The following OSBPL9 variants were observed in gnomAD, a reference collection of about 807,000 sequenced individuals.
OSBPL9 encodes oxysterol-binding protein-related protein 9.
A neutral mutation model predicts 106.6 loss-of-function variants in OSBPL9; 40 were observed. The ratio of observed to expected loss-of-function variants is 0.38; its 90% confidence interval spans 0.29 to 0.49. The LOEUF (loss-of-function observed/expected upper bound fraction) is 0.49, where lower values mean the gene tolerates loss of function less well. Among genes scored for constraint, OSBPL9 ranks in the 20% least tolerant of loss-of-function variants. The probability of loss-of-function intolerance (pLI) is 0.97; values close to 1 mark genes in which losing one functional copy is unlikely to be tolerated. For missense variants in OSBPL9, 609 were observed against 887.2 expected (o/e 0.69, Z 3.98); for synonymous variants, 269 against 295.4 (o/e 0.91, Z 0.92).
intron 2 of OSBPL9, among the ~76,000 whole-genome samples, chr1:51,653,656 T>C (rs1379598697): frequency 6.6e-6 from 1 of 152,232 alleles, no homozygotes; most frequent in African/African-American, 2.4e-5. Flanking sequence ...TATAGTTTTC[T>C]TACCTATTTG....
Position 51,784,266 on chromosome 1 carries a change from T to A in OSBPL9, c.1627T>A (p.Cys543Ser), listed in dbSNP as rs1677082920. Reference sequence around the variant, plus strand: ...GATTCTGTCCCTTCTCTCCACAGGCTGTGTCTCATGTCTAGACTATGATGA... The same window carrying A: ...GATTCTGTCCCTTCTCTCCACAGGCAGTGTCTCATGTCTAGACTATGATGA... ...SIGVHNIGQG[C>S]VSCLDYDEHY... Residue 543 changes from cysteine to serine, a missense_variant and splice_region_variant, in exon 19 of 24, where the codon TGT becomes AGT. Coordinates refer to ENST00000428468, the MANE Select transcript of OSBPL9 (RefSeq NM_024586.6). 1 of 1,613,658 alleles carries A rather than the reference T, an allele frequency of 6.2e-7. No homozygotes were observed. Among genetic ancestry groups the A allele is most frequent in the African/African-American group, 1.3e-5 (1 of 74,928 alleles).
intron 3 of OSBPL9, among the ~76,000 whole-genome samples, chr1:51,678,848 A>C (rs982178384): frequency 6.6e-6 from 1 of 152,228 alleles, no homozygotes; most frequent in Non-Finnish European, 1.5e-5. Flanking sequence ...TTAGTAAATT[A>C]TAAGACTAAA....
At chr1:51,573,508 CAAAAAAAA>C (rs961323006), upstream of OSBPL9, among the ~76,000 whole-genome samples, 1 of 25,060 alleles carries the variant, frequency 4.0e-5, no homozygotes, top group Non-Finnish European at 7.6e-5. Flanking sequence ...AACTCCATCT[CAAAAAAAA>C]AAAAAAAAAA....
chr1:51,717,905 C>T (rs1162203823), intron 4 of OSBPL9, among the ~76,000 whole-genome samples: 1 of 152,164 alleles, frequency 6.6e-6, no homozygotes, highest in Non-Finnish European at 1.5e-5. Context: ...GAGATACCTG[C>T]ACACCCAGGT....
rs536015050 is a variant in OSBPL9, at chr1:51,671,419, A to T, written c.241+1907A>T. The stretch of plus-strand genomic sequence containing the variant: ...TGAATACACCAGTTTTTTTTTAAGC[A>T]AATGAAATATCAGTTGATGCATTAT... On this transcript the variant is annotated intron_variant, in intron 3 of 23. Transcript: ENST00000428468. Among the ~76,000 whole-genome samples, 6 of 152,324 alleles carry T rather than the reference A, an allele frequency of 3.9e-5. No homozygotes were observed. The South Asian group carries it at 1.2e-3, about 32-fold the overall frequency.
chr1:51,610,801 C>T (rs1377548862), intron 2 of OSBPL9, among the ~76,000 whole-genome samples: 1 of 152,218 alleles, frequency 6.6e-6, no homozygotes, highest in Admixed American at 6.5e-5. Context: ...AAGCAGATTG[C>T]CTGCGGCTTT....
At chr1:51,597,486 A>T (rs1036209057) in intron 1 of OSBPL9, among the ~76,000 whole-genome samples, 4 of 149,386 alleles carry the variant, frequency 2.7e-5, no homozygotes, top group Non-Finnish European at 5.9e-5. Flanking sequence ...CAAAGGATAG[A>T]TTGTATATAT....
intron 1 of OSBPL9, among the ~76,000 whole-genome samples, chr1:51,624,231 A>G (rs995824478): frequency 6.6e-5 from 10 of 152,074 alleles, no homozygotes; most frequent in African/African-American, 9.7e-5. Context: ...GGTACATTTT[A>G]GTAGTCCAAA....
At chr1:51,712,213 C>T (rs1660175560) in intron 3 of OSBPL9, among the ~76,000 whole-genome samples, 1 of 152,236 alleles carries the variant, frequency 6.6e-6, no homozygotes, top group African/African-American at 2.4e-5. Context: ...GGGCTGGAGA[C>T]CGGCCCGGCC....
chr1:51,549,402 A>G, the OSBPL9 span, among the ~76,000 whole-genome samples: 1 of 152,202 alleles, frequency 6.6e-6, no homozygotes, highest in Non-Finnish European at 1.5e-5. Flanking sequence ...TTATTCAACT[A>G]ATTTTTACTG....
chr1:51,549,680 A>C, the OSBPL9 span, among the ~76,000 whole-genome samples: 6 of 152,144 alleles, frequency 3.9e-5, no homozygotes, highest in African/African-American at 1.4e-4. Context: ...AAAAATACAA[A>C]AATTAGCCAG....
chr1:51,552,457 C>T, the OSBPL9 span, among the ~76,000 whole-genome samples: 27 of 152,310 alleles, frequency 1.8e-4, no homozygotes, highest in Admixed American at 1.2e-3. Flanking sequence ...ACAGCTAATA[C>T]ATAATGGAGC....
At position 51,784,431 on chromosome 1, in the gene OSBPL9, T is replaced by C. The variant is rs1413362867; in HGVS notation, c.1689-11T>C. The C allele has an allele frequency of 5.0e-6, 8 of 1,613,932 alleles. No homozygotes were observed. The highest frequency in any genetic ancestry group is 2.2e-5 in the South Asian group (2 of 91,090). ...ACTGTCAACCTTACCTAAAAACTTT[T>C]GATTTTGCAGGTCTATCCTCACAGT... is the stretch of plus-strand genomic sequence containing the variant. On this transcript the variant is annotated splice_polypyrimidine_tract_variant and intron_variant, in intron 19 of 23. Transcript: ENST00000428468.
chr1:51,772,214 T>C (rs1439974581), intron 13 of OSBPL9, 32 bp downstream of exon 13: 1 of 1,553,476 alleles, frequency 6.4e-7, no homozygotes, highest in African/African-American at 1.4e-5. Flanking sequence ...AACTTTTTTT[T>C]CTTTAAAAAT....
At chr1:51,724,050 G>A (rs1434935140) in intron 4 of OSBPL9, among the ~76,000 whole-genome samples, 2 of 152,084 alleles carry the variant, frequency 1.3e-5, no homozygotes, top group Non-Finnish European at 2.9e-5. Flanking sequence ...AGGTTCAAGC[G>A]ATTCTTGTGC....
chr1:51,724,656 T>C (rs934280175), intron 4 of OSBPL9: 1 of 153,054 alleles, frequency 6.5e-6, no homozygotes, highest in African/African-American at 2.4e-5. Flanking sequence ...TGTAGGCAAG[T>C]TGAGTTTTTT....
At chr1:51,700,300 A>G (rs1406826461) in intron 3 of OSBPL9, among the ~76,000 whole-genome samples, 1 of 152,154 alleles carries the variant, frequency 6.6e-6, no homozygotes, top group Admixed American at 6.5e-5. Flanking sequence ...TACATGATGC[A>G]TGCCCTCTTC....
chr1:51,770,068 T>C (rs1266848064), intron 12 of OSBPL9, among the ~76,000 whole-genome samples: 1 of 151,904 alleles, frequency 6.6e-6, no homozygotes, highest in Non-Finnish European at 1.5e-5. Flanking sequence ...CCTCATGGGC[T>C]CAAGTGATCC....
intron 2 of OSBPL9, among the ~76,000 whole-genome samples, chr1:51,603,194 A>G (rs574853103): frequency 7.2e-5 from 11 of 152,194 alleles, no homozygotes; most frequent in Non-Finnish European, 1.5e-4. Context: ...TTTGCAAACC[A>G]TTTTCAAATA....
Sources: allele counts gnomAD v4.1 joint callset (sites outside exome capture counted in the v4.1 genomes callset), GRCh38; gene constraint gnomAD v4.1.1; transcripts MANE v1.5; gene names NCBI Gene and HGNC (gene_info 2026-07-23, HGNC 2026-07-21).